CPLX2: variants seen among roughly 807,000 people sequenced by gnomAD.
The protein encoded by CPLX2 is complexin 2.
A neutral mutation model predicts 16.3 loss-of-function variants in CPLX2; 5 were observed. The observed-to-expected ratio is 0.31, with a 90% CI of 0.16 to 0.64. The LOEUF is 0.64. Ranked by LOEUF, CPLX2 falls within the 30% of genes least tolerant of loss-of-function variation. The pLI, the probability that CPLX2 is intolerant of heterozygous loss-of-function variation, is 0.79. For missense variants in CPLX2, 144 were observed against 181.4 expected (o/e 0.79, Z 1.18); for synonymous variants, 89 against 73.2 (o/e 1.22, Z -1.10).
At chr5:175,853,936 C>A (rs1392011775) in intron 2 of CPLX2, among the ~76,000 whole-genome samples, 2 of 152,202 alleles carry the variant, frequency 1.3e-5, no homozygotes, top group Admixed American at 1.3e-4. Context: ...GCCCATGGCA[C>A]CCCATTCATG....
In CPLX2 at chr5:175,879,923, AC is replaced by A; in HGVS notation, c.286del (p.Arg96GlyfsTer63). 1 of 1,613,886 alleles carries A rather than the reference AC, an allele frequency of 6.2e-7. No homozygotes were observed. The highest frequency in any genetic ancestry group is 8.5e-7 in the Non-Finnish European group (1 of 1,179,952). ...GGAGCAGCCCTGCGAGGGGAGCCTG[AC>A]CCGGCCCAAGAAGGCCATCCCTGCG... ...ALEQPCEGSL[T>X]RPKKAIPAGC... On this transcript the variant is annotated frameshift_variant, in exon 4 of 4. Coordinates refer to ENST00000393745, the MANE Select transcript of CPLX2 (RefSeq NM_001008220.2). LOFTEE classifies it high-confidence loss of function.
intron 2 of CPLX2, among the ~76,000 whole-genome samples, chr5:175,852,113 C>T (rs576731210): frequency 1.3e-5 from 2 of 152,298 alleles, no homozygotes; most frequent in African/African-American, 2.4e-5. Flanking sequence ...GGAAGTCTTT[C>T]GTGTGGGCTC....
At chr5:175,824,063 T>C (rs1758562189) in intron 2 of CPLX2, among the ~76,000 whole-genome samples, 2 of 152,150 alleles carry the variant, frequency 1.3e-5, no homozygotes, top group Admixed American at 6.5e-5. Flanking sequence ...CTGCCAGCCA[T>C]ACAGGTCCCC....
chr5:175,825,072 G>A (rs1253770869), intron 2 of CPLX2, among the ~76,000 whole-genome samples: 1 of 152,118 alleles, frequency 6.6e-6, no homozygotes. Flanking sequence ...AGAAAATGGG[G>A]CACAGAAACT....
chr5:175,879,393 C>G (rs935071650), intron 3 of CPLX2, among the ~76,000 whole-genome samples: 1 of 152,220 alleles, frequency 6.6e-6, no homozygotes, highest in Admixed American at 6.5e-5. Flanking sequence ...TCGAAAAATA[C>G]CACAGTGTCC....
intron 2 of CPLX2, among the ~76,000 whole-genome samples, chr5:175,853,950 C>T (rs543873544): frequency 2.0e-5 from 3 of 152,324 alleles, no homozygotes; most frequent in African/African-American, 4.8e-5. Flanking sequence ...ATTCATGGTA[C>T]CTGTTCCTCC....
At chr5:175,862,936 A>C (rs1759400068) in intron 2 of CPLX2, among the ~76,000 whole-genome samples, 1 of 152,242 alleles carries the variant, frequency 6.6e-6, no homozygotes, top group South Asian at 2.1e-4. Flanking sequence ...AAAAGCTGTG[A>C]CTACGGCGTG....
At chr5:175,810,817 G>A (rs1312395783) in intron 2 of CPLX2, among the ~76,000 whole-genome samples, 1 of 152,190 alleles carries the variant, frequency 6.6e-6, no homozygotes, top group Admixed American at 6.5e-5. Context: ...TCCCTACATA[G>A]TTCACTTCTC....
At chr5:175,873,034 GTGCTACGA>G (rs1026133321) in intron 1 of CPLX2, 5 of 151,356 alleles carry the variant, frequency 3.3e-5, no homozygotes, top group African/African-American at 1.2e-4. Context: ...CGGAAACCTG[GTGCTACGA>G]CGGCATCCCT....
rs1344209661 is a variant in CPLX2 at position 175,845,558 on chromosome 5, TTATTTTCTTCA to T, written c.-88-33082_-88-33072del. Among the ~76,000 whole-genome samples, 1 of 152,200 alleles carries T rather than the reference TTATTTTCTTCA, an allele frequency of 6.6e-6. No individual in the cohort carries two copies. The highest frequency in any genetic ancestry group is 1.5e-5 in the Non-Finnish European group (1 of 68,038). On this transcript the variant is annotated intron_variant, in intron 2 of 4. Coordinates refer to the CPLX2 transcript ENST00000359546. The surrounding 1 kb of genome is among the most constrained non-coding windows in gnomAD (Gnocchi z 4.0). ...CTGCCCCCATCTGCGTCACTGTGTG[TTATTTTCTTCA>T]TATTTTCTTCAGAGCATTGCCTGAA...
At chr5:175,833,396 G>A (rs539255282) in intron 2 of CPLX2, among the ~76,000 whole-genome samples, 3 of 152,198 alleles carry the variant, frequency 2.0e-5, no homozygotes, top group Non-Finnish European at 4.4e-5. Flanking sequence ...AAACACAAAC[G>A]CACAGAAGGC....
chr5:175,843,103 C>A (rs542368665), intron 2 of CPLX2, among the ~76,000 whole-genome samples: 15 of 152,256 alleles, frequency 9.9e-5, no homozygotes, highest in Non-Finnish European at 1.6e-4. Flanking sequence ...TCAGGGTCAG[C>A]GGGTAGGGGA....
intron 2 of CPLX2, among the ~76,000 whole-genome samples, chr5:175,843,064 G>A (rs2113670506): frequency 1.3e-5 from 2 of 152,304 alleles, no homozygotes; most frequent in South Asian, 4.1e-4. Flanking sequence ...AGTGAAGGAG[G>A]TTACCAGCGA....
intron 2 of CPLX2, among the ~76,000 whole-genome samples, chr5:175,841,052 G>A (rs1008374164): frequency 3.3e-5 from 5 of 152,162 alleles, no homozygotes; most frequent in Non-Finnish European, 7.3e-5. Flanking sequence ...TAACTATGAA[G>A]GGCTGTGCCA....
chr5:175,879,316 C>T (rs1297541268), intron 3 of CPLX2, among the ~76,000 whole-genome samples: 1 of 152,212 alleles, frequency 6.6e-6, no homozygotes, highest in African/African-American at 2.4e-5. Context: ...GTGGACCCTA[C>T]GGTCCACCAT....
chr5:175,805,464 G>A (rs1758180172), intron 1 of CPLX2: 1 of 152,266 alleles, frequency 6.6e-6, no homozygotes, highest in Non-Finnish European at 1.5e-5. Context: ...GGACACCTGT[G>A]GAGGGGAAGA....
In CPLX2 at chr5:175,859,858, T is replaced by C. The variant is rs114065033; in HGVS notation, c.-88-18794T>C. 4.9e-3 allele frequency among the ~76,000 whole-genome samples: 750 copies of C among 152,310 alleles called. 6 individuals are homozygous for C. The highest frequency in any genetic ancestry group is 0.017 in the African/African-American group (725 of 41,568). ...TTAAATGGTGGGGCTTCCCAGGATTTGGACCTGCCTGATAAGAAGTTTTCT... is the reference window on the plus strand; with the variant it reads ...TTAAATGGTGGGGCTTCCCAGGATTCGGACCTGCCTGATAAGAAGTTTTCT... On this transcript the variant is annotated intron_variant, in intron 2 of 4. Transcript: ENST00000359546.
chr5:175,869,203 C>A (rs545921919), upstream of CPLX2, among the ~76,000 whole-genome samples: 2 of 152,222 alleles, frequency 1.3e-5, no homozygotes, highest in Non-Finnish European at 2.9e-5. Context: ...TATTGTGCAA[C>A]AAAATGAAGT....
At chr5:175,810,461 C>A (rs997530413) in intron 2 of CPLX2, among the ~76,000 whole-genome samples, 2 of 152,232 alleles carry the variant, frequency 1.3e-5, no homozygotes, top group African/African-American at 2.4e-5. Context: ...TGTCACTGAG[C>A]ACTTGCACCT....
Sources: allele counts gnomAD v4.1 joint callset (sites outside exome capture counted in the v4.1 genomes callset), GRCh38; gene constraint gnomAD v4.1.1; non-coding constraint Gnocchi (gnomAD v3.1); transcripts MANE v1.5; gene names NCBI Gene and HGNC (gene_info 2026-07-23, HGNC 2026-07-21).